HS6ST3: variants seen among roughly 807,000 people sequenced by gnomAD.
HS6ST3 encodes heparan sulfate 6-O-sulfotransferase 3.
A neutral mutation model predicts 36.7 loss-of-function variants in HS6ST3; 12 were observed. The ratio of observed to expected loss-of-function variants is 0.33; its 90% CI spans 0.21 to 0.53. The LOEUF (loss-of-function observed/expected upper bound fraction) is 0.53, where lower values mean the gene tolerates loss of function less well. HS6ST3 is among the 20% of genes least tolerant of loss of function. The probability of loss-of-function intolerance (pLI) is 0.95; values close to 1 mark genes in which losing one functional copy is unlikely to be tolerated. For synonymous variants in HS6ST3, 240 were observed against 257.5 expected (o/e 0.93, Z 0.65); for missense variants, 584 against 640.9 (o/e 0.91, Z 0.96).
intron 1 of HS6ST3, among the ~76,000 whole-genome samples, chr13:96,814,908 TGTG>T: frequency 6.6e-6 from 1 of 152,246 alleles, no homozygotes; most frequent in East Asian, 1.9e-4. Context: ...AAAGTTGTCT[TGTG>T]TTTCTCAAAT....
intron 1 of HS6ST3, among the ~76,000 whole-genome samples, chr13:96,254,484 TATATATATATATATACACATAC>T (rs1393296158): frequency 0.018 from 337 of 18,584 alleles, 25 homozygotes; most frequent in African/African-American, 0.064. Flanking sequence ...TATATATATA[TATATATATATATATACACATAC>T]ATACACACAC....
At chr13:96,350,534 A>G (rs2055176458) in intron 1 of HS6ST3, among the ~76,000 whole-genome samples, 1 of 152,210 alleles carries the variant, frequency 6.6e-6, no homozygotes, top group South Asian at 2.1e-4. Flanking sequence ...AGAATCTATA[A>G]AATGTGGGGG....
chr13:96,304,726 T>TC (rs1327921964), intron 1 of HS6ST3, among the ~76,000 whole-genome samples: 397 of 139,052 alleles, frequency 2.9e-3, no homozygotes, highest in Middle Eastern at 0.011. Context: ...TTTTTTTTTT[T>TC]TTTTTACAGA....
chr13:96,593,915 T>C (rs1042335515), intron 1 of HS6ST3, among the ~76,000 whole-genome samples: 1 of 152,086 alleles, frequency 6.6e-6, no homozygotes, highest in Non-Finnish European at 1.5e-5. Flanking sequence ...TGCATGTGCA[T>C]ACTTACTAGT....
At chr13:96,776,376 C>T (rs532756610) in intron 1 of HS6ST3, among the ~76,000 whole-genome samples, 1 of 152,040 alleles carries the variant, frequency 6.6e-6, no homozygotes, top group African/African-American at 2.4e-5. Context: ...CATGAAAAAA[C>T]CTTCCAAAAA....
chr13:96,740,825 C>G (rs1379494056), intron 1 of HS6ST3, among the ~76,000 whole-genome samples: 1 of 152,164 alleles, frequency 6.6e-6, no homozygotes, highest in African/African-American at 2.4e-5. Context: ...AAGGGGGAGA[C>G]AGAAGTCAGC....
chr13:96,780,742 T>C (rs1376529227), intron 1 of HS6ST3, among the ~76,000 whole-genome samples: 3 of 152,102 alleles, frequency 2.0e-5, no homozygotes, highest in African/African-American at 4.8e-5. Flanking sequence ...CTCCTTCTTA[T>C]ATGTGTATAG....
At chr13:96,780,402 C>T (rs1371224673) in intron 1 of HS6ST3, among the ~76,000 whole-genome samples, 1 of 152,162 alleles carries the variant, frequency 6.6e-6, no homozygotes, top group Non-Finnish European at 1.5e-5. Context: ...CAGTTCTTGA[C>T]ATATTCACTC....
At chr13:96,441,985 C>T (rs2055673713) in intron 1 of HS6ST3, among the ~76,000 whole-genome samples, 1 of 150,174 alleles carries the variant, frequency 6.7e-6, no homozygotes, top group African/African-American at 2.4e-5. Flanking sequence ...CACAAATTCT[C>T]ACATTGAAAA....
At chr13:96,608,543 T>G (rs1312352359) in intron 1 of HS6ST3, among the ~76,000 whole-genome samples, 1 of 152,206 alleles carries the variant, frequency 6.6e-6, no homozygotes, top group African/African-American at 2.4e-5. Context: ...TGAACTGCAC[T>G]CTCAAAAGGA....
intron 1 of HS6ST3, among the ~76,000 whole-genome samples, chr13:96,271,949 T>G (rs2054722487): frequency 6.6e-6 from 1 of 152,010 alleles, no homozygotes; most frequent in Non-Finnish European, 1.5e-5. Context: ...TGATAGACAA[T>G]CTGCTTCTGG....
intron 1 of HS6ST3, among the ~76,000 whole-genome samples, chr13:96,783,238 T>A (rs187460324): frequency 1.6e-4 from 25 of 152,354 alleles, no homozygotes; most frequent in African/African-American, 5.8e-4. Context: ...ATACAACAGC[T>A]ATGACTAATC....
In HS6ST3 at chr13:96,116,185, C is replaced by T. The variant is rs527776520; in HGVS notation, c.707+24616C>T. ...CCGGGAACTCGGCCGCAGGAATTAG[C>T]TCTCCTTCAACGACTCGAGTGCATA... On this transcript the variant is annotated intron_variant, in intron 1 of 1. Coordinates refer to ENST00000376705, the MANE Select transcript of HS6ST3 (RefSeq NM_153456.4). Among the ~76,000 whole-genome samples the T allele has an allele frequency of 5.3e-5, 8 of 152,314 alleles. No individual in the cohort carries two copies. The South Asian group carries it at 1.7e-3, about 32-fold the overall frequency.
intron 1 of HS6ST3, among the ~76,000 whole-genome samples, chr13:96,641,074 T>A (rs1200160832): frequency 4.6e-5 from 7 of 151,924 alleles, no homozygotes; most frequent in Admixed American, 4.6e-4. Flanking sequence ...ATAGTTTTTT[T>A]TCCTAGTTAT....
intron 1 of HS6ST3, among the ~76,000 whole-genome samples, chr13:96,288,668 A>G (rs1413690808): frequency 6.6e-6 from 1 of 152,104 alleles, no homozygotes; most frequent in Non-Finnish European, 1.5e-5. Context: ...ACTAATCAGC[A>G]TGATAAAGAC....
chr13:96,108,146 A>G (rs2053850635), intron 1 of HS6ST3, among the ~76,000 whole-genome samples: 2 of 152,162 alleles, frequency 1.3e-5, no homozygotes, highest in Admixed American at 1.3e-4. Flanking sequence ...AAGGAATATT[A>G]ATAATTAACA....
intron 1 of HS6ST3, among the ~76,000 whole-genome samples, chr13:96,210,721 G>C (rs761612633): frequency 1.3e-5 from 2 of 151,618 alleles, no homozygotes; most frequent in Admixed American, 1.3e-4. Context: ...AGCCTTTCGA[G>C]TAGGTGGGAT....
At position 96,187,360 on chromosome 13, in the gene HS6ST3, G is replaced by A. The variant is rs77694492; in HGVS notation, c.707+95791G>A. Among the ~76,000 whole-genome samples the A allele has an allele frequency of 5.8e-3, 884 of 152,296 alleles. 9 individuals carry two copies. Among genetic ancestry groups the A allele is most frequent in the African/African-American group, 0.021 (853 of 41,556 alleles). On this transcript the variant is annotated intron_variant, in intron 1 of 1. Coordinates refer to ENST00000376705, the MANE Select transcript of HS6ST3 (RefSeq NM_153456.4). ...TTACTGAGGACTTGCTAGGTGCCATGCGTCCTGCCTATGCTATTGCATTTA... is the reference window on the plus strand; with the variant it reads ...TTACTGAGGACTTGCTAGGTGCCATACGTCCTGCCTATGCTATTGCATTTA...
chr13:96,506,820 T>C (rs17189986), intron 1 of HS6ST3, among the ~76,000 whole-genome samples: 7,090 of 152,240 alleles, frequency 0.047, 229 homozygotes, highest in Middle Eastern at 0.075. Context: ...AACATCACAA[T>C]TCCTGCTGCT....
Sources: gnomAD v4.1 joint callset for allele counts (sites outside exome capture counted in the v4.1 genomes callset) on GRCh38, gnomAD v4.1.1 for gene constraint, MANE v1.5 for transcripts, NCBI Gene and HGNC (gene_info 2026-07-23, HGNC 2026-07-21) for gene names.